NCKAP5: variants seen among roughly 807,000 people sequenced by gnomAD.
NCKAP5 encodes the protein nck-associated protein 5.
NCKAP5 carries 92 observed loss-of-function variants against 167.0 expected under a neutral mutation model. That is an observed-to-expected ratio of 0.55 (90% CI 0.47 to 0.66). The LOEUF (loss-of-function observed/expected upper bound fraction) is 0.66. Ranked by LOEUF, NCKAP5 falls within the 30% of genes least tolerant of loss-of-function variation. The pLI is 0.00. For synonymous variants in NCKAP5, 891 were observed against 877.4 expected, an observed-to-expected ratio of 1.02 and a Z score of -0.27; for missense variants, 2,378 against 2,315.0, an observed-to-expected ratio of 1.03 and a Z score of -0.56.
chr2:133,586,356 C>T, the NCKAP5 span, among the ~76,000 whole-genome samples: 1 of 152,064 alleles, frequency 6.6e-6, no homozygotes, highest in Non-Finnish European at 1.5e-5. Flanking sequence ...TTCCTGAAGC[C>T]CCCTGTACTT....
chr2:133,665,860 A>G, the NCKAP5 span, among the ~76,000 whole-genome samples: 32 of 152,332 alleles, frequency 2.1e-4, 1 homozygote, highest in African/African-American at 7.7e-4. Context: ...AATGTATTTC[A>G]TCTTATGAAT....
rs114556664 is a variant in NCKAP5 at position 133,090,992 on chromosome 2, C to T, written c.341+38986G>A. 4.5e-3 allele frequency among the ~76,000 whole-genome samples: 682 copies of T among 152,124 alleles called. 12 individuals carry two copies. Among genetic ancestry groups the T allele is most frequent in the African/African-American group, 0.016 (665 of 41,490 alleles). ...ACTGGATCATGGAGGTAGATATCCC[C>T]CTTGCTGTTCTTGTGATGGTGAGTG... On this transcript the variant is annotated intron_variant, in intron 6 of 19. Transcript: ENST00000409261.
intron 3 of NCKAP5, among the ~76,000 whole-genome samples, chr2:133,385,611 C>T (rs1291899629): frequency 6.6e-6 from 1 of 152,164 alleles, no homozygotes; most frequent in African/African-American, 2.4e-5. Flanking sequence ...GGAATAGTTT[C>T]AGAAGGAATG....
chr2:133,628,948 A>T, the NCKAP5 span, among the ~76,000 whole-genome samples: 1 of 152,232 alleles, frequency 6.6e-6, no homozygotes, highest in South Asian at 2.1e-4. Context: ...GGAAGATTGA[A>T]ACTGGACCCC....
intron 5 of NCKAP5, among the ~76,000 whole-genome samples, chr2:133,145,470 C>T: frequency 6.6e-6 from 1 of 151,982 alleles, no homozygotes. Flanking sequence ...AACAAACTTG[C>T]ATGTTCTGCA....
At chr2:133,285,379 A>T (rs1252340841) in intron 4 of NCKAP5, among the ~76,000 whole-genome samples, 1 of 152,214 alleles carries the variant, frequency 6.6e-6, no homozygotes, top group Non-Finnish European at 1.5e-5. Flanking sequence ...TGCTAACTTT[A>T]AAATTATGAT....
At chr2:133,300,563 T>TG (rs1280021834) in intron 4 of NCKAP5, among the ~76,000 whole-genome samples, 19 of 136,264 alleles carry the variant, frequency 1.4e-4, no homozygotes, top group Admixed American at 1.4e-3. Context: ...AAAAAGCCTT[T>TG]GACAAAATTC....
At chr2:132,877,691 A>T in intron 9 of NCKAP5, among the ~76,000 whole-genome samples, 1 of 152,208 alleles carries the variant, frequency 6.6e-6, no homozygotes, top group East Asian at 1.9e-4. Flanking sequence ...CAAGAGTTAT[A>T]TACGGCGTTA....
chr2:132,994,092 G>A (rs2077521203), intron 7 of NCKAP5, 60 bp downstream of exon 7: 1 of 1,284,008 alleles, frequency 7.8e-7, no homozygotes, highest in South Asian at 1.4e-5. Flanking sequence ...GACAAACCTA[G>A]AGAAATACAA....
chr2:132,785,639 A>G lies in NCKAP5; in HGVS notation c.1172T>C (p.Leu391Pro), dbSNP rs574872083. The change falls in exon 14 of 20, where the codon CTA (leucine) becomes CCA (proline). Residue 391 changes from leucine (L) to proline (P), a missense_variant. Leu to Pro is a moderately conservative substitution (Grantham distance 98). This residue lies in a region of NCKAP5 where 1,049 missense variants were observed against 1,023.4 expected (regional missense o/e 1.02). Transcript: ENST00000409261. ...PSGFASPTNE[L>P]PPTRIKESHI... is the part of the protein sequence containing the mutation. ...GCTTTCCTTGATACGAGTTGGAGGT[A>G]GTTCATTTGTAGGACTAGCAAAGCC... 2.0e-6 allele frequency: 3 copies of G among 1,534,554 alleles called. No individual in the cohort carries two copies. In the South Asian group the frequency reaches 3.9e-5, roughly 20 times the overall value.
At chr2:132,927,696 C>T (rs1043363323) in intron 8 of NCKAP5, among the ~76,000 whole-genome samples, 11 of 151,970 alleles carry the variant, frequency 7.2e-5, no homozygotes, top group East Asian at 5.8e-4. Flanking sequence ...TATAAAAATG[C>T]CACTGATTTT....
chr2:133,091,654 G>A (rs368478835), intron 6 of NCKAP5, among the ~76,000 whole-genome samples: 5 of 152,120 alleles, frequency 3.3e-5, no homozygotes, highest in East Asian at 1.9e-4. Flanking sequence ...TTGGGAGGCC[G>A]AGGTGGGCAG....
intron 3 of NCKAP5, among the ~76,000 whole-genome samples, chr2:133,407,128 G>C (rs1229012547): frequency 6.6e-6 from 1 of 152,230 alleles, no homozygotes; most frequent in Non-Finnish European, 1.5e-5. Flanking sequence ...AATGGGGAAT[G>C]TTTATCCGCC....
At chr2:133,422,637 C>T (rs139445869) in intron 3 of NCKAP5, among the ~76,000 whole-genome samples, 8 of 152,338 alleles carry the variant, frequency 5.3e-5, no homozygotes, top group Non-Finnish European at 1.2e-4. Context: ...GGATCTCTCA[C>T]ATGCCCTCCT....
intron 4 of NCKAP5, among the ~76,000 whole-genome samples, chr2:133,221,931 T>G (rs1037346478): frequency 6.6e-6 from 1 of 152,232 alleles, no homozygotes; most frequent in Non-Finnish European, 1.5e-5. Flanking sequence ...GGTGCCAGGA[T>G]TTTATTCCAG....
At chr2:133,357,379 T>C (rs1355506099) in intron 3 of NCKAP5, among the ~76,000 whole-genome samples, 1 of 151,564 alleles carries the variant, frequency 6.6e-6, no homozygotes, top group Non-Finnish European at 1.5e-5. Context: ...GCCTTTAAAA[T>C]AGAATAAATT....
the NCKAP5 span, among the ~76,000 whole-genome samples, chr2:133,588,317 C>G: frequency 1.6e-5 from 2 of 125,196 alleles, no homozygotes; most frequent in Non-Finnish European, 3.3e-5. Flanking sequence ...CTCCCTCCCC[C>G]TTCCTCCCCT....
intron 19 of NCKAP5, among the ~76,000 whole-genome samples, chr2:132,690,779 G>A (rs572657493): frequency 5.3e-5 from 8 of 152,094 alleles, no homozygotes; most frequent in East Asian, 1.9e-4. Context: ...GTAAGAGGAG[G>A]GGGGGAAACA....
intron 19 of NCKAP5, among the ~76,000 whole-genome samples, chr2:132,716,810 G>A (rs1206063265): frequency 6.6e-6 from 1 of 152,112 alleles, no homozygotes; most frequent in East Asian, 1.9e-4. Flanking sequence ...GCTTTCTTAA[G>A]GGCCTCCCAA....
Sources: gnomAD v4.1 joint callset for allele counts (sites outside exome capture counted in the v4.1 genomes callset) on GRCh38, gnomAD v4.1.1 for gene constraint, gnomAD v4.1.1 regional missense constraint, MANE v1.5 for transcripts, NCBI Gene and HGNC (gene_info 2026-07-23, HGNC 2026-07-21) for gene names.